KATNAL1: variants seen among roughly 807,000 people sequenced by gnomAD.
The protein encoded by KATNAL1 is katanin catalytic subunit A1 like 1.
In KATNAL1, 32 loss-of-function variants were observed where a neutral mutation model predicts 55.2. The ratio of observed to expected loss-of-function variants is 0.58; its 90% confidence interval spans 0.44 to 0.78. KATNAL1 has a LOEUF of 0.78. KATNAL1 is among the 30% of genes least tolerant of loss of function. KATNAL1 has a pLI of 0.00. For missense variants in KATNAL1, 466 were observed against 600.9 expected, an observed-to-expected ratio of 0.78 and a Z score of 2.35; for synonymous variants, 193 against 193.6, an observed-to-expected ratio of 1.00 and a Z score of 0.02.
At chr13:30,274,563 G>C (rs1200936665) in intron 3 of KATNAL1, among the ~76,000 whole-genome samples, 1 of 152,134 alleles carries the variant, frequency 6.6e-6, no homozygotes, top group Non-Finnish European at 1.5e-5. Flanking sequence ...TCAGGCTTGT[G>C]TGTCCTGTTC....
chr13:30,255,700 A>G, intron 3 of KATNAL1, 85 bp from the exon 4 acceptor site: 1 of 1,197,104 alleles, frequency 8.4e-7, no homozygotes, highest in Non-Finnish European at 1.1e-6. Context: ...TTAGTCAATA[A>G]AATTGTTAAA....
intron 3 of KATNAL1, among the ~76,000 whole-genome samples, chr13:30,259,723 TGCCCAC>T (rs1268519380): frequency 6.6e-6 from 1 of 152,194 alleles, no homozygotes; most frequent in Non-Finnish European, 1.5e-5. Flanking sequence ...GAGGGTCCTA[TGCCCAC>T]GGAGTCTTGC....
At chr13:30,212,654 G>T (rs1229351793) in intron 9 of KATNAL1, among the ~76,000 whole-genome samples, 1 of 152,212 alleles carries the variant, frequency 6.6e-6, no homozygotes, top group African/African-American at 2.4e-5. Context: ...TCACTCCTAG[G>T]ATGGAATGCT....
intron 3 of KATNAL1, among the ~76,000 whole-genome samples, chr13:30,266,183 G>T (rs1879769965): frequency 6.6e-6 from 1 of 151,760 alleles, no homozygotes; most frequent in Non-Finnish European, 1.5e-5. Context: ...CTGTATTTTT[G>T]TGGAGACAGG....
At chr13:30,235,169 G>GA (rs1164124678) in intron 6 of KATNAL1, among the ~76,000 whole-genome samples, 1 of 152,200 alleles carries the variant, frequency 6.6e-6, no homozygotes, top group African/African-American at 2.4e-5. Context: ...TTGCTACAAA[G>GA]AAATACCTGA....
In KATNAL1 at chr13:30,282,606, C is replaced by G. The variant is rs190863880; in HGVS notation, c.162+1010G>C. On this transcript the variant is annotated intron_variant, in intron 2 of 10. Coordinates refer to ENST00000380615, the MANE Select transcript of KATNAL1 (RefSeq NM_032116.5). ...TGAGCTGTGATGGCACCACTGCACT[C>G]TAGCCTGGGTGACAGAGCAAAACCC... 3.0e-4 allele frequency among the ~76,000 whole-genome samples: 46 copies of G among 151,210 alleles called. No individual in the cohort carries two copies. In the East Asian group the frequency reaches 8.4e-3, roughly 28 times the overall value.
At chr13:30,229,952 T>A (rs1875923029) in intron 8 of KATNAL1, among the ~76,000 whole-genome samples, 1 of 56,396 alleles carries the variant, frequency 1.8e-5, no homozygotes, top group Admixed American at 1.5e-4. Flanking sequence ...GAGGGGCTTT[T>A]TTTTTTTTTT....
chr13:30,287,129 G>T (rs934652538), intron 1 of KATNAL1, among the ~76,000 whole-genome samples: 1 of 152,206 alleles, frequency 6.6e-6, no homozygotes, highest in African/African-American at 2.4e-5. Context: ...TCTGGAATGG[G>T]TTAAGACTTT....
intron 1 of KATNAL1, among the ~76,000 whole-genome samples, chr13:30,287,462 C>T (rs1338585761): frequency 6.6e-6 from 1 of 152,180 alleles, no homozygotes; most frequent in Non-Finnish European, 1.5e-5. Context: ...CCTGCGGCCT[C>T]CCCAACCATG....
chr13:30,234,375 A>T (rs1876443088), intron 6 of KATNAL1, among the ~76,000 whole-genome samples: 2 of 152,140 alleles, frequency 1.3e-5, no homozygotes, highest in African/African-American at 2.4e-5. Flanking sequence ...CCAATTCACT[A>T]AAAATACTTC....
chr13:30,289,497 T>C (rs1881999539), intron 1 of KATNAL1, among the ~76,000 whole-genome samples: 1 of 152,248 alleles, frequency 6.6e-6, no homozygotes, highest in Non-Finnish European at 1.5e-5. Context: ...GAAATTCTAC[T>C]GGAATAAGAT....
chr13:30,270,685 T>G (rs1260608356), intron 3 of KATNAL1, among the ~76,000 whole-genome samples: 5 of 151,678 alleles, frequency 3.3e-5, no homozygotes, highest in African/African-American at 1.2e-4. Context: ...GTGCAAGATG[T>G]GCTTTGTTAA....
intron 3 of KATNAL1, among the ~76,000 whole-genome samples, chr13:30,276,866 CTT>C (rs1179764130): frequency 6.6e-6 from 1 of 152,172 alleles, no homozygotes; most frequent in Admixed American, 6.5e-5. Flanking sequence ...GTTCAGATGA[CTT>C]TGGAAAAATT....
rs776876114 is a variant in KATNAL1 at position 30,227,497 on chromosome 13, T to C, written c.1062A>G (p.Val354=). 3 of 1,613,928 alleles carry C rather than the reference T, an allele frequency of 1.9e-6. No homozygotes were observed. Among genetic ancestry groups the C allele is most frequent in the South Asian group, 1.1e-5 (1 of 91,076 alleles). Reference sequence around the variant, plus strand: ...CCCACGGGAAATTAGTAGCAGCCAATACCATAACCATTTTGGAAGGATCAT... The same window carrying C: ...CCCACGGGAAATTAGTAGCAGCCAACACCATAACCATTTTGGAAGGATCAT... ...ENDDPSKMVM[V]LAATNFPWDI... Residue 354 remains valine (V), a synonymous_variant, in exon 9 of 11, where the codon GTA becomes GTG. Transcript: ENST00000380615.
chr13:30,219,849 C>A (rs902978560), intron 9 of KATNAL1, among the ~76,000 whole-genome samples: 1 of 152,148 alleles, frequency 6.6e-6, no homozygotes, highest in Non-Finnish European at 1.5e-5. Flanking sequence ...TGTTTATTTT[C>A]TTCTTCTATA....
chr13:30,262,087 C>T (rs555595581), intron 3 of KATNAL1, among the ~76,000 whole-genome samples: 3,131 of 150,170 alleles, frequency 0.021, 56 homozygotes, highest in Non-Finnish European at 0.028. Context: ...CTCAACTACA[C>T]GGAAACTGAA....
chr13:30,257,964 G>C (rs982736563), intron 3 of KATNAL1, among the ~76,000 whole-genome samples: 1 of 152,182 alleles, frequency 6.6e-6, no homozygotes, highest in Admixed American at 6.5e-5. Context: ...GCACATCACT[G>C]CACAATGTCA....
rs768590197 is a variant in KATNAL1, at chr13:30,230,458, T to C, written c.1012+10A>G. 13 of 1,601,760 alleles carry C rather than the reference T, an allele frequency of 8.1e-6. No homozygotes were observed. In the Admixed American group the frequency reaches 1.4e-4, roughly 17 times the overall value. ...TGAGAGTTTTGAAACAATAATTAAA[T>C]ATCAATTACCATCCATCTGAATGAG... On this transcript the variant is annotated intron_variant, in intron 8 of 10. Coordinates refer to ENST00000380615, the MANE Select transcript of KATNAL1 (RefSeq NM_032116.5).
chr13:30,254,429 T>C (rs1181451747), intron 4 of KATNAL1, among the ~76,000 whole-genome samples: 1 of 152,202 alleles, frequency 6.6e-6, no homozygotes, highest in Non-Finnish European at 1.5e-5. Context: ...CAGTGTCCTA[T>C]TGAGGCAGGG....
Sources: gnomAD v4.1 joint callset for allele counts (sites outside exome capture counted in the v4.1 genomes callset) on GRCh38, gnomAD v4.1.1 for gene constraint, MANE v1.5 for transcripts, NCBI Gene and HGNC (gene_info 2026-07-23, HGNC 2026-07-21) for gene names.